GFRAL: variants seen among roughly 807,000 people sequenced by gnomAD.
The protein encoded by GFRAL is GDNF family receptor alpha like, also known as GDNF family receptor alpha-like.
GFRAL carries 36 observed loss-of-function variants against 45.4 expected under a neutral mutation model. That is an observed-to-expected ratio of 0.79 (90% confidence interval 0.61 to 1.05). The LOEUF (loss-of-function observed/expected upper bound fraction) is 1.05. GFRAL is among the 50% of genes least tolerant of loss of function. The probability of loss-of-function intolerance (pLI) is 0.00; values close to 1 mark genes in which losing one functional copy is unlikely to be tolerated. For synonymous variants in GFRAL, 166 were observed against 154.1 expected, an observed-to-expected ratio of 1.08 and a Z score of -0.57; for missense variants, 507 against 467.5, an observed-to-expected ratio of 1.08 and a Z score of -0.78.
intron 3 of GFRAL, among the ~76,000 whole-genome samples, chr6:55,348,691 T>C (rs1360357732): frequency 2.6e-5 from 4 of 152,036 alleles, no homozygotes; most frequent in African/African-American, 9.7e-5. Flanking sequence ...ACTAATCCTA[T>C]TCGATCAGGG....
intron 1 of GFRAL, among the ~76,000 whole-genome samples, chr6:55,331,494 G>A (rs1442760785): frequency 4.6e-5 from 7 of 152,044 alleles, no homozygotes; most frequent in African/African-American, 1.4e-4. Flanking sequence ...ATAAATAGAT[G>A]ATGAGACGTC....
intron 3 of GFRAL, among the ~76,000 whole-genome samples, chr6:55,343,223 C>T (rs1280283763): frequency 6.6e-6 from 1 of 152,164 alleles, no homozygotes; most frequent in African/African-American, 2.4e-5. Context: ...ACAGAATATA[C>T]ATTCTTCTCA....
At chr6:55,368,838 T>C (rs1768405139) in intron 6 of GFRAL, among the ~76,000 whole-genome samples, 1 of 152,226 alleles carries the variant, frequency 6.6e-6, no homozygotes, top group Non-Finnish European at 1.5e-5. Context: ...ACCACTGCTC[T>C]CTTCAAAGCT....
rs186050105 is a variant in GFRAL, at chr6:55,398,365, C to G, written c.953-815C>G. Among the ~76,000 whole-genome samples, 914 of 150,542 alleles carry G rather than the reference C, an allele frequency of 6.1e-3. 11 individuals carry two copies. Among genetic ancestry groups the G allele is most frequent in the African/African-American group, 0.02 (799 of 40,634 alleles). On this transcript the variant is annotated intron_variant, in intron 6 of 8. Coordinates refer to ENST00000340465, the MANE Select transcript of GFRAL (RefSeq NM_207410.2). Reference sequence around the variant, plus strand: ...CTCATTTTTCTTACTGCCTCAAAACCAGCTTTCATTACATAAATTGGTTAC... The same window carrying G: ...CTCATTTTTCTTACTGCCTCAAAACGAGCTTTCATTACATAAATTGGTTAC...
intron 6 of GFRAL, among the ~76,000 whole-genome samples, chr6:55,390,335 C>T (rs948204358): frequency 2.6e-5 from 4 of 152,144 alleles, no homozygotes; most frequent in Admixed American, 2.6e-4. Flanking sequence ...ATTTCAGTGG[C>T]ATACAAAAAC....
chr6:55,399,806 T>G (rs1768872573), intron 8 of GFRAL, among the ~76,000 whole-genome samples: 1 of 152,170 alleles, frequency 6.6e-6, no homozygotes, highest in African/African-American at 2.4e-5. Context: ...ATAACTGACC[T>G]ATTGTTTACT....
intron 3 of GFRAL, among the ~76,000 whole-genome samples, chr6:55,337,939 C>A (rs1280558951): frequency 6.6e-6 from 1 of 152,040 alleles, no homozygotes; most frequent in East Asian, 1.9e-4. Context: ...AGATTTTATT[C>A]TTTCCTCATA....
At chr6:55,330,290 TACTGCATC>T (rs1167983423) in intron 1 of GFRAL, among the ~76,000 whole-genome samples, 2 of 152,132 alleles carry the variant, frequency 1.3e-5, no homozygotes, top group African/African-American at 4.8e-5. Flanking sequence ...TGAATACCTA[TACTGCATC>T]ACTGTGTTTG....
intron 6 of GFRAL, among the ~76,000 whole-genome samples, chr6:55,392,535 ATGT>A (rs1411839095): frequency 2.6e-5 from 4 of 152,068 alleles, no homozygotes; most frequent in Non-Finnish European, 5.9e-5. Context: ...TCATGGGGAC[ATGT>A]TGGGAAATTG....
At chr6:55,382,759 T>C (rs1269606904) in intron 6 of GFRAL, among the ~76,000 whole-genome samples, 1 of 151,944 alleles carries the variant, frequency 6.6e-6, no homozygotes, top group Non-Finnish European at 1.5e-5. Context: ...TAAGTAACCA[T>C]AAACAAGTTA....
rs896971781 is a variant in GFRAL, at chr6:55,334,037, T to C, written c.316+93T>C. On this transcript the variant is annotated intron_variant, in intron 3 of 8. Transcript: ENST00000340465. ...ATCTATGTAATGTGATTAATGTTTTTTGTAATTTGATTAATTCTTTTCAAA... is the reference window on the plus strand; with the variant it reads ...ATCTATGTAATGTGATTAATGTTTTCTGTAATTTGATTAATTCTTTTCAAA... The C allele has an allele frequency of 5.0e-6, 4 of 799,024 alleles. No homozygotes were observed. In the African/African-American group the frequency reaches 7.1e-5, roughly 14 times the overall value. The allele number at this position is 799,024 out of a possible 1,614,324, so 49.5% of individuals were successfully genotyped here. A position where few individuals can be genotyped will look rare whatever the true frequency, so the allele number is the denominator to read the frequency against.
chr6:55,352,211 A>G (rs1768127186), intron 5 of GFRAL, among the ~76,000 whole-genome samples: 1 of 152,154 alleles, frequency 6.6e-6, no homozygotes, highest in Non-Finnish European at 1.5e-5. Context: ...CCATGGGTAC[A>G]CAGGCTCAAG....
chr6:55,384,975 G>A (rs528186626), intron 6 of GFRAL, among the ~76,000 whole-genome samples: 2 of 151,818 alleles, frequency 1.3e-5, no homozygotes, highest in Admixed American at 1.3e-4. Flanking sequence ...CTTTAGAATA[G>A]AGGTGGAGCC....
At position 55,372,413 on chromosome 6, in the gene GFRAL, T is replaced by C. The variant is rs1768463063; in HGVS notation, c.952+13275T>C. Among the ~76,000 whole-genome samples the C allele has an allele frequency of 2.0e-5, 3 of 152,252 alleles. No homozygotes were observed. The South Asian group carries it at 6.2e-4, about 32-fold the overall frequency. On this transcript the variant is annotated intron_variant, in intron 6 of 8. Transcript: ENST00000340465. ...TGATATATTCTTTAGGATTTTGAGA[T>C]TGTGATATAACAAATAAGCTCCAGA...
chr6:55,356,676 A>G (rs937536465), intron 5 of GFRAL, among the ~76,000 whole-genome samples: 1 of 151,324 alleles, frequency 6.6e-6, no homozygotes, highest in Admixed American at 6.6e-5. Context: ...AATCTTTTGA[A>G]TTTTTTTTGT....
intron 1 of GFRAL, among the ~76,000 whole-genome samples, chr6:55,329,142 A>C (rs1041918181): frequency 2.6e-5 from 4 of 152,102 alleles, no homozygotes; most frequent in African/African-American, 9.7e-5. Context: ...TTTGGAATGA[A>C]TAAGACAGAT....
At chr6:55,353,495 T>C (rs1366213157) in intron 5 of GFRAL, among the ~76,000 whole-genome samples, 1 of 152,052 alleles carries the variant, frequency 6.6e-6, no homozygotes, top group Non-Finnish European at 1.5e-5. Context: ...GATATCAAGG[T>C]TCTTAAAATT....
intron 6 of GFRAL, among the ~76,000 whole-genome samples, chr6:55,387,971 G>A (rs1479582986): frequency 6.6e-6 from 1 of 152,134 alleles, no homozygotes; most frequent in African/African-American, 2.4e-5. Context: ...AAAGAATGTA[G>A]AATGGATGAA....
chr6:55,378,687 A>G (rs1287353099), intron 6 of GFRAL, among the ~76,000 whole-genome samples: 1 of 150,508 alleles, frequency 6.6e-6, no homozygotes, highest in Non-Finnish European at 1.5e-5. Context: ...CAGTCTTCCA[A>G]GTCTGCTGTT....
Sources: allele counts gnomAD v4.1 joint callset (sites outside exome capture counted in the v4.1 genomes callset), GRCh38; gene constraint gnomAD v4.1.1; transcripts MANE v1.5; gene names NCBI Gene and HGNC (gene_info 2026-07-23, HGNC 2026-07-21).